KCNQ3: variants seen among roughly 807,000 people sequenced by gnomAD.
KCNQ3 encodes potassium voltage-gated channel subfamily Q member 3.
In KCNQ3, 30 loss-of-function variants were observed where a neutral mutation model predicts 92.5. The observed-to-expected ratio is 0.32, with a 90% CI of 0.24 to 0.44. The LOEUF is 0.44. Among genes scored for constraint, KCNQ3 ranks in the 20% least tolerant of loss-of-function variants. KCNQ3 has a pLI of 1.00. For missense variants in KCNQ3, 913 were observed against 1,140.3 expected (o/e 0.80, Z 2.87); for synonymous variants, 450 against 468.8 (o/e 0.96, Z 0.52).
At chr8:132,344,699 C>T (rs1386269760) in intron 1 of KCNQ3, among the ~76,000 whole-genome samples, 1 of 152,146 alleles carries the variant, frequency 6.6e-6, no homozygotes. Flanking sequence ...GAGATCACAA[C>T]ATAGGCTACA....
At chr8:132,364,829 C>A (rs1819274562) in intron 1 of KCNQ3, among the ~76,000 whole-genome samples, 1 of 152,064 alleles carries the variant, frequency 6.6e-6, no homozygotes, top group Admixed American at 6.5e-5. Flanking sequence ...CATATAATAA[C>A]AAACATTGAT....
At chr8:132,432,355 C>CAAAA (rs11411494) in intron 1 of KCNQ3, among the ~76,000 whole-genome samples, 1 of 134,450 alleles carries the variant, frequency 7.4e-6, no homozygotes. Context: ...ATGAATACGG[C>CAAAA]AAAAAAAAAA....
chr8:132,306,143 G>A (rs1158816578), intron 1 of KCNQ3, among the ~76,000 whole-genome samples: 1 of 152,150 alleles, frequency 6.6e-6, no homozygotes. Flanking sequence ...TCAGATATCT[G>A]TGTGCTTTCT....
intron 1 of KCNQ3, among the ~76,000 whole-genome samples, chr8:132,307,410 G>A (rs926762252): frequency 3.9e-5 from 6 of 152,220 alleles, no homozygotes; most frequent in African/African-American, 1.4e-4. Flanking sequence ...TCATAAACTG[G>A]AAAAGTAGAG....
At chr8:132,466,275 TCC>T (rs2064068738) in intron 1 of KCNQ3, among the ~76,000 whole-genome samples, 1 of 151,782 alleles carries the variant, frequency 6.6e-6, no homozygotes, top group African/African-American at 2.4e-5. Context: ...CTTCAAGACT[TCC>T]TTTACTTAAG....
intron 1 of KCNQ3, among the ~76,000 whole-genome samples, chr8:132,224,089 T>C (rs1406401989): frequency 7.9e-6 from 1 of 127,016 alleles, no homozygotes; most frequent in Non-Finnish European, 1.7e-5. Flanking sequence ...CTATTTTTTT[T>C]TTTTTTTTTT....
rs557140189 is a variant in KCNQ3, at chr8:132,234,305, A to G, written c.387-48124T>C. ...TTCAGATCCTCTTTTGGTAAGAAAG[A>G]GCAAAAACTGTGCATAATTCTGTCC... On this transcript the variant is annotated intron_variant, in intron 1 of 14. Transcript: ENST00000388996. 2.7e-5 allele frequency among the ~76,000 whole-genome samples: 4 copies of G among 149,544 alleles called. No homozygotes were observed. In the East Asian group the frequency reaches 5.9e-4, roughly 22 times the overall value.
chr8:132,247,839 G>A (rs979609313), intron 1 of KCNQ3, among the ~76,000 whole-genome samples: 27 of 150,910 alleles, frequency 1.8e-4, no homozygotes, highest in Non-Finnish European at 2.5e-4. Context: ...CAGCCTGATC[G>A]GAACAAAAAG....
chr8:132,456,474 T>TGA (rs386414041), intron 1 of KCNQ3, among the ~76,000 whole-genome samples: 1 of 151,612 alleles, frequency 6.6e-6, no homozygotes, highest in Non-Finnish European at 1.5e-5. Context: ...GGTGTGTGTG[T>TGA]GTGTGTGTGT....
intron 1 of KCNQ3, among the ~76,000 whole-genome samples, chr8:132,473,327 C>T (rs2130868263): frequency 6.6e-6 from 1 of 152,252 alleles, no homozygotes; most frequent in African/African-American, 2.4e-5. Flanking sequence ...ACTGATGTTA[C>T]TTCAGTAATG....
chr8:132,436,197 A>G (rs1821390016), intron 1 of KCNQ3, among the ~76,000 whole-genome samples: 1 of 152,224 alleles, frequency 6.6e-6, no homozygotes, highest in Admixed American at 6.5e-5. Context: ...AATGTGGAGA[A>G]GGGAATTATC....
At chr8:132,411,836 A>G (rs2597335) in intron 1 of KCNQ3, among the ~76,000 whole-genome samples, 108,987 of 152,082 alleles carry the variant, frequency 0.72, 40,374 homozygotes, top group African/African-American at 0.92. Context: ...TTCTTTGACC[A>G]TGGAGGGATG....
chr8:132,136,063 G>A (rs1023958349), intron 12 of KCNQ3, among the ~76,000 whole-genome samples: 2 of 135,668 alleles, frequency 1.5e-5, no homozygotes, highest in African/African-American at 5.6e-5. Context: ...AGGTTGCAGT[G>A]AGCCGAGATC....
At chr8:132,308,045 T>C (rs1264312217) in intron 1 of KCNQ3, among the ~76,000 whole-genome samples, 1 of 152,194 alleles carries the variant, frequency 6.6e-6, no homozygotes, top group African/African-American at 2.4e-5. Context: ...CTGGGGCTTC[T>C]CTGAGAGTTT....
intron 1 of KCNQ3, among the ~76,000 whole-genome samples, chr8:132,347,748 C>T (rs111741650): frequency 1.3e-4 from 20 of 152,098 alleles, no homozygotes; most frequent in African/African-American, 3.6e-4. Flanking sequence ...GAGGCCGAGG[C>T]GGGCAGATCA....
intron 1 of KCNQ3, chr8:132,447,250 A>T (rs1821707948): frequency 2.0e-6 from 3 of 1,535,622 alleles, no homozygotes; most frequent in Non-Finnish European, 2.6e-6. Context: ...CAAGAACAAG[A>T]TTTTTAACAA....
intron 1 of KCNQ3, among the ~76,000 whole-genome samples, chr8:132,286,378 T>G (rs1056494890): frequency 6.6e-6 from 1 of 152,246 alleles, no homozygotes; most frequent in Non-Finnish European, 1.5e-5. Flanking sequence ...TTGAGGCCTT[T>G]AAGATTTAAT....
chr8:132,385,149 C>T (rs1250091684), intron 1 of KCNQ3, among the ~76,000 whole-genome samples: 1 of 152,216 alleles, frequency 6.6e-6, no homozygotes, highest in Non-Finnish European at 1.5e-5. Flanking sequence ...AACAGGCAGC[C>T]CCCTTGCCCC....
chr8:132,178,427 A>G (rs1346320764), intron 4 of KCNQ3, among the ~76,000 whole-genome samples: 1 of 152,208 alleles, frequency 6.6e-6, no homozygotes, highest in Non-Finnish European at 1.5e-5. Context: ...GCTTATGTGT[A>G]TGGTATGTGA....
Sources: allele counts gnomAD v4.1 joint callset (sites outside exome capture counted in the v4.1 genomes callset), GRCh38; gene constraint gnomAD v4.1.1; transcripts MANE v1.5; gene names NCBI Gene and HGNC (gene_info 2026-07-23, HGNC 2026-07-21).